SPMIP7: variants seen among roughly 807,000 people sequenced by gnomAD.
The protein encoded by SPMIP7 is protein SPMIP7.
At chr7:50,096,600 G>C in the SPMIP7 span, 1 of 1,550,790 alleles carries the variant, frequency 6.4e-7, no homozygotes, top group Admixed American at 2.0e-5. Context: ...TGGAATTCCA[G>C]GGAAGTACCA....
chr7:50,141,479 G>A, the SPMIP7 span: 5 of 810,804 alleles, frequency 6.2e-6, no homozygotes, highest in Admixed American at 2.1e-5. Flanking sequence ...ATTTAAACGT[G>A]GCTTTTATTG....
At chr7:50,104,077 C>T in the SPMIP7 span, among the ~76,000 whole-genome samples, 1 of 152,152 alleles carries the variant, frequency 6.6e-6, no homozygotes, top group Non-Finnish European at 1.5e-5. Flanking sequence ...AAATAGGTAT[C>T]TTCTAATAAT....
At chr7:50,105,931 A>C in the SPMIP7 span, among the ~76,000 whole-genome samples, 1 of 152,182 alleles carries the variant, frequency 6.6e-6, no homozygotes, top group Non-Finnish European at 1.5e-5. Context: ...CTTTTTAAAA[A>C]ACCTATGCTA....
At chr7:50,102,702 A>G in the SPMIP7 span, among the ~76,000 whole-genome samples, 1 of 152,272 alleles carries the variant, frequency 6.6e-6, no homozygotes, top group East Asian at 1.9e-4. Flanking sequence ...ATCATCAATC[A>G]TCATCATTAT....
At chr7:50,100,013 G>A in the SPMIP7 span, among the ~76,000 whole-genome samples, 1 of 152,254 alleles carries the variant, frequency 6.6e-6, no homozygotes, top group Admixed American at 6.5e-5. Context: ...GGGGCTGAGA[G>A]AGAAGATTAT....
chr7:50,119,802 C>T, the SPMIP7 span, among the ~76,000 whole-genome samples: 2 of 152,160 alleles, frequency 1.3e-5, no homozygotes, highest in African/African-American at 4.8e-5. Flanking sequence ...TTGGGGATCA[C>T]TTATGAGGGT....
At chr7:50,132,040 T>A in the SPMIP7 span, among the ~76,000 whole-genome samples, 4 of 152,252 alleles carry the variant, frequency 2.6e-5, no homozygotes, top group Non-Finnish European at 4.4e-5. Context: ...CATAGTGTCA[T>A]GAAACACATG....
At chr7:50,112,160 T>G in the SPMIP7 span, among the ~76,000 whole-genome samples, 16 of 151,806 alleles carry the variant, frequency 1.1e-4, no homozygotes, top group Non-Finnish European at 1.6e-4. Flanking sequence ...CAAAGGACGT[T>G]GAATAAAAAA....
chr7:50,158,918 C>A, the SPMIP7 span: 1 of 885,194 alleles, frequency 1.1e-6, no homozygotes, highest in Non-Finnish European at 1.7e-6. Context: ...GAGTCATCCT[C>A]GCTCCCTGCC....
At chr7:50,111,512 A>G in the SPMIP7 span, among the ~76,000 whole-genome samples, 9 of 152,284 alleles carry the variant, frequency 5.9e-5, no homozygotes, top group South Asian at 1.9e-3. Flanking sequence ...GACAAAGAAA[A>G]GGGAAGATGG....
chr7:50,153,320 G>A, the SPMIP7 span, among the ~76,000 whole-genome samples: 13 of 152,156 alleles, frequency 8.5e-5, no homozygotes, highest in African/African-American at 3.1e-4. Flanking sequence ...GAAAGGCAAT[G>A]GCTATAAATG....
At chr7:50,137,549 G>A in the SPMIP7 span, among the ~76,000 whole-genome samples, 68,132 of 151,834 alleles carry the variant, frequency 0.45, 15,674 homozygotes, top group East Asian at 0.73. Flanking sequence ...GAATTGTTGG[G>A]TCATGTGATG....
At chr7:50,127,268 A>G in the SPMIP7 span, among the ~76,000 whole-genome samples, 1 of 152,084 alleles carries the variant, frequency 6.6e-6, no homozygotes, top group African/African-American at 2.4e-5. Context: ...AAAATGGGTT[A>G]AAGATTTAAG....
At chr7:50,108,847 A>G in the SPMIP7 span, among the ~76,000 whole-genome samples, 1 of 152,306 alleles carries the variant, frequency 6.6e-6, no homozygotes, top group African/African-American at 2.4e-5. Context: ...TAGTTATTTC[A>G]GTTATCAAAG....
At chr7:50,128,771 G>A in the SPMIP7 span, among the ~76,000 whole-genome samples, 1 of 151,888 alleles carries the variant, frequency 6.6e-6, no homozygotes, top group Non-Finnish European at 1.5e-5. Context: ...TATAATTCAT[G>A]GACAGTAAAT....
At chr7:50,101,020 T>C in the SPMIP7 span, among the ~76,000 whole-genome samples, 2 of 152,142 alleles carry the variant, frequency 1.3e-5, no homozygotes, top group African/African-American at 2.4e-5. Flanking sequence ...AAAGACACTG[T>C]ATGATTTTAA....
chr7:50,107,362 C>CAAA, the SPMIP7 span, among the ~76,000 whole-genome samples: 7 of 16,650 alleles, frequency 4.2e-4, no homozygotes, highest in Admixed American at 1.9e-3. Flanking sequence ...GACTCTGTCT[C>CAAA]AAAAAAAAAA....
chr7:50,140,831 A>C, the SPMIP7 span, among the ~76,000 whole-genome samples: 4 of 152,206 alleles, frequency 2.6e-5, no homozygotes, highest in African/African-American at 9.7e-5. Context: ...GCATTAACTC[A>C]GCCTCTCAAC....
At chr7:50,103,653 A>T in the SPMIP7 span, among the ~76,000 whole-genome samples, 4 of 152,070 alleles carry the variant, frequency 2.6e-5, no homozygotes, top group Admixed American at 2.6e-4. Context: ...TTTTCATCCA[A>T]GTTCTACTTT....
Sources: gnomAD v4.1 joint callset for allele counts (sites outside exome capture counted in the v4.1 genomes callset) on GRCh38, gnomAD v4.1.1 for gene constraint, MANE v1.5 for transcripts, NCBI Gene and HGNC (gene_info 2026-07-23, HGNC 2026-07-21) for gene names.